The following SLC4A5 variants were observed in gnomAD, a reference collection of about 807,000 sequenced individuals.
SLC4A5 encodes solute carrier family 4 member 5, also known as electrogenic sodium bicarbonate cotransporter 4.
Under a neutral mutation model 120.4 loss-of-function variants are expected in SLC4A5, and 96 were observed. That is an observed-to-expected ratio of 0.80 (90% confidence interval 0.68 to 0.94). SLC4A5 has a LOEUF of 0.94. Among genes scored for constraint, SLC4A5 ranks in the 40% least tolerant of loss-of-function variants. The pLI is 0.00. For synonymous variants in SLC4A5, 550 were observed against 571.1 expected (o/e 0.96, Z 0.53); for missense variants, 1,259 against 1,459.5 (o/e 0.86, Z 2.24).
intron 25 of SLC4A5, among the ~76,000 whole-genome samples, chr2:74,228,665 C>A (rs1694938756): frequency 6.7e-6 from 1 of 149,584 alleles, no homozygotes; most frequent in Non-Finnish European, 1.5e-5. Flanking sequence ...CCCCCCCGCC[C>A]CCCAAAAAAA....
chr2:74,238,092 ACT>A (rs1670327011), intron 21 of SLC4A5, among the ~76,000 whole-genome samples: 1 of 152,032 alleles, frequency 6.6e-6, no homozygotes, highest in Admixed American at 6.6e-5. Flanking sequence ...ACAGAGTGAG[ACT>A]CTGTCTCAAA....
intron 7 of SLC4A5, among the ~76,000 whole-genome samples, chr2:74,290,990 G>A (rs1020237978): frequency 6.6e-6 from 1 of 152,102 alleles, no homozygotes; most frequent in Non-Finnish European, 1.5e-5. Flanking sequence ...AACCTAGCAG[G>A]GCCCTTCCTC....
In SLC4A5 at chr2:74,247,028, C is replaced by A. The variant is rs1670632379; in HGVS notation, c.2059+8G>T. On this transcript the variant is annotated splice_region_variant and intron_variant, in intron 19 of 30. Coordinates refer to ENST00000394019, the Ensembl canonical transcript of SLC4A5. ...AGGGCCCACGGCATGTCTGGGGTTA[C>A]CGGTCACCTGTGTCAGGGGCGACAC... 6.2e-7 allele frequency: 1 copy of A among 1,612,812 alleles called. No individual in the cohort carries two copies. Among genetic ancestry groups the A allele is most frequent in the Non-Finnish European group, 8.5e-7 (1 of 1,179,060 alleles).
intron 8 of SLC4A5, among the ~76,000 whole-genome samples, chr2:74,277,080 T>C (rs1671667592): frequency 6.6e-6 from 1 of 152,132 alleles, no homozygotes; most frequent in Admixed American, 6.5e-5. Context: ...CTCCCTCCAT[T>C]TGTATGAGTT....
intron 11 of SLC4A5, among the ~76,000 whole-genome samples, chr2:74,261,601 C>G (rs761866022): frequency 1.3e-5 from 2 of 152,152 alleles, no homozygotes; most frequent in Non-Finnish European, 2.9e-5. Flanking sequence ...GTATCCCTGA[C>G]GAGGTGCATG....
At chr2:74,253,901 T>G (rs1670873911) in intron 14 of SLC4A5, among the ~76,000 whole-genome samples, 1 of 152,178 alleles carries the variant, frequency 6.6e-6, no homozygotes, top group African/African-American at 2.4e-5. Context: ...TGATTGAGAG[T>G]TAGTGTATTT....
intron 7 of SLC4A5, among the ~76,000 whole-genome samples, chr2:74,290,093 C>T (rs972742299): frequency 2.0e-5 from 3 of 152,186 alleles, no homozygotes; most frequent in Non-Finnish European, 4.4e-5. Flanking sequence ...GGAGGGCATG[C>T]TACTCCTTGG....
intron 8 of SLC4A5, among the ~76,000 whole-genome samples, chr2:74,282,004 C>T (rs1005630961): frequency 6.6e-6 from 1 of 152,178 alleles, no homozygotes; most frequent in African/African-American, 2.4e-5. Flanking sequence ...CTTAGATTCT[C>T]AAAACATCTG....
At chr2:74,216,538 C>T (rs1311600311) in exon 31 of SLC4A5, 1 of 152,190 alleles carries the variant, frequency 6.6e-6, no homozygotes, top group Non-Finnish European at 1.5e-5. Flanking sequence ...GGTTTTAAAA[C>T]TGAAATGTGT....
At chr2:74,338,488 G>A (rs778940922) in intron 3 of SLC4A5, among the ~76,000 whole-genome samples, 39 of 152,262 alleles carry the variant, frequency 2.6e-4, no homozygotes, top group Non-Finnish European at 5.1e-4. Flanking sequence ...GCACAGCCTC[G>A]ATGCAGCCAG....
chr2:74,334,371 C>T (rs568507421), intron 3 of SLC4A5, among the ~76,000 whole-genome samples, 194 bp from the exon 4 acceptor site: 4 of 152,182 alleles, frequency 2.6e-5, no homozygotes, highest in Non-Finnish European at 5.9e-5. Context: ...TCCTCTAACA[C>T]CCCAGGCTCA....
chr2:74,293,122 G>A (rs1026816783), intron 7 of SLC4A5, among the ~76,000 whole-genome samples: 2 of 152,150 alleles, frequency 1.3e-5, no homozygotes, highest in Non-Finnish European at 2.9e-5. Flanking sequence ...TGACTATTGG[G>A]GACTGGGAGA....
At chr2:74,257,805 T>A (rs1671016704) in intron 12 of SLC4A5, among the ~76,000 whole-genome samples, 1 of 152,168 alleles carries the variant, frequency 6.6e-6, no homozygotes, top group Non-Finnish European at 1.5e-5. Context: ...CTCAAACTCC[T>A]GGCCTCAATC....
At chr2:74,235,238 A>C in intron 21 of SLC4A5, 24 bp from the exon 22 acceptor site, 1 of 1,594,928 alleles carries the variant, frequency 6.3e-7, no homozygotes, top group Non-Finnish European at 8.6e-7. Context: ...ATGAGCAAGT[A>C]AAAGAAGTGA....
At position 74,307,992 on chromosome 2, in the gene SLC4A5, C is replaced by T. The variant is rs188773357; in HGVS notation, c.80-3312G>A. 5.2e-5 allele frequency: 29 copies of T among 554,928 alleles called. No individual in the cohort carries two copies. In the East Asian group the frequency reaches 7.7e-4, roughly 15 times the overall value. The allele number at this position is 554,928 out of a possible 1,614,324, so 34.4% of individuals were successfully genotyped here. On this transcript the variant is annotated intron_variant, in intron 6 of 30. Coordinates refer to ENST00000394019, the Ensembl canonical transcript of SLC4A5. ...CCAGTAGTTGGAGGAGAAGGTGGAA[C>T]GAGTGGTGAAGCTCATGCTGTCCGG...
intron 8 of SLC4A5, among the ~76,000 whole-genome samples, chr2:74,282,707 C>T (rs1671851724): frequency 6.6e-6 from 1 of 152,196 alleles, no homozygotes; most frequent in African/African-American, 2.4e-5. Flanking sequence ...TCTCTGGGGG[C>T]CATAAGGCCT....
intron 8 of SLC4A5, among the ~76,000 whole-genome samples, chr2:74,268,858 T>C (rs1671384706): frequency 6.6e-6 from 1 of 152,236 alleles, no homozygotes; most frequent in Admixed American, 6.5e-5. Context: ...TTCATCAGAT[T>C]TCCTCTTCAC....
intron 25 of SLC4A5, among the ~76,000 whole-genome samples, chr2:74,230,698 G>A (rs545624306): frequency 1.3e-5 from 2 of 152,162 alleles, no homozygotes; most frequent in African/African-American, 2.4e-5. Flanking sequence ...TGGGATGGGT[G>A]GGAGAGAGGA....
At chr2:74,234,435 C>T (rs918029075) in intron 22 of SLC4A5, among the ~76,000 whole-genome samples, 4 of 152,174 alleles carry the variant, frequency 2.6e-5, no homozygotes, top group African/African-American at 9.7e-5. Context: ...CCTCGGCCTC[C>T]CAAAGTTCTG....
Sources: allele counts gnomAD v4.1 joint callset (sites outside exome capture counted in the v4.1 genomes callset), GRCh38; gene constraint gnomAD v4.1.1; transcripts MANE v1.5; gene names NCBI Gene and HGNC (gene_info 2026-07-23, HGNC 2026-07-21).